AKAP7: variants seen among roughly 807,000 people sequenced by gnomAD.
AKAP7 encodes the protein A kinase (PRKA) anchor protein 7.
A neutral mutation model predicts 39.5 loss-of-function variants in AKAP7; 39 were observed. That is an observed-to-expected ratio of 0.99 (90% CI 0.76 to 1.29). The LOEUF (loss-of-function observed/expected upper bound fraction) is 1.29, where lower values mean the gene tolerates loss of function less well. Among genes scored for constraint, AKAP7 ranks in the 50% most tolerant of loss-of-function variants. The pLI is 0.00. For missense variants in AKAP7, 414 were observed against 407.7 expected (o/e 1.02, Z -0.13); for synonymous variants, 140 against 139.1 (o/e 1.01, Z -0.05).
the AKAP7 span, among the ~76,000 whole-genome samples, chr6:131,128,220 A>G: frequency 6.6e-6 from 1 of 152,222 alleles, no homozygotes; most frequent in Admixed American, 6.5e-5. Context: ...AGAAAAAGGT[A>G]AACGATTTAG....
At chr6:131,184,525 G>C in intron 5 of AKAP7, 3 of 702,970 alleles carry the variant, frequency 4.3e-6, no homozygotes, top group Non-Finnish European at 7.9e-6. Flanking sequence ...ATTTGTGCTC[G>C]ATGCATTGCC....
chr6:131,229,551 G>A lies in AKAP7; in HGVS notation c.850+9743G>A, dbSNP rs138302844. 7.3e-3 allele frequency among the ~76,000 whole-genome samples: 1,117 copies of A among 152,104 alleles called. 9 individuals are homozygous for A. The highest frequency in any genetic ancestry group is 0.026 in the African/African-American group (1,070 of 41,474). ...TTTAGTAGAGACAGGGTTTCACCAC[G>A]TTGGCCAGGCTGTTCTTGAATTCCT... On this transcript the variant is annotated intron_variant, in intron 7 of 7. Coordinates refer to ENST00000431975, the MANE Select transcript of AKAP7 (RefSeq NM_016377.4).
At chr6:131,201,245 G>A (rs898929414) in intron 6 of AKAP7, among the ~76,000 whole-genome samples, 1 of 152,104 alleles carries the variant, frequency 6.6e-6, no homozygotes, top group African/African-American at 2.4e-5. Flanking sequence ...ATTTCTACGT[G>A]TAAGGAGCTC....
At chr6:131,229,332 T>A (rs1810450184) in intron 7 of AKAP7, among the ~76,000 whole-genome samples, 1 of 152,124 alleles carries the variant, frequency 6.6e-6, no homozygotes, top group South Asian at 2.1e-4. Context: ...TGAACTTCAT[T>A]TTCCCAGTTC....
intron 2 of AKAP7, among the ~76,000 whole-genome samples, chr6:131,146,681 T>G (rs762866966): frequency 2.6e-5 from 4 of 152,224 alleles, no homozygotes; most frequent in African/African-American, 9.6e-5. Context: ...TGGTTTGATA[T>G]GCTTTTTTCA....
chr6:131,132,292 G>T (rs1562850587), upstream of AKAP7, among the ~76,000 whole-genome samples: 1 of 148,220 alleles, frequency 6.7e-6, no homozygotes, highest in African/African-American at 2.5e-5. Context: ...CAGCCTGGGC[G>T]ACAGAGCGAG....
At chr6:131,231,717 ACTATCCTGG>A (rs1810639461) in intron 7 of AKAP7, among the ~76,000 whole-genome samples, 1 of 152,174 alleles carries the variant, frequency 6.6e-6, no homozygotes, top group South Asian at 2.1e-4. Flanking sequence ...GAAAACCAAG[ACTATCCTGG>A]CTTAACTGGG....
the AKAP7 span, among the ~76,000 whole-genome samples, chr6:131,127,425 A>T: frequency 6.6e-6 from 1 of 152,332 alleles, no homozygotes; most frequent in Admixed American, 6.5e-5. Context: ...ATCTCATAAG[A>T]TACAACCAAA....
At chr6:131,247,269 G>GTGTATATATATATA (rs1244438178) in intron 7 of AKAP7, among the ~76,000 whole-genome samples, 1 of 91,928 alleles carries the variant, frequency 1.1e-5, no homozygotes, top group Non-Finnish European at 2.0e-5. Context: ...CATTTCATAT[G>GTGTATATATATATA]TATATATATA....
intron 7 of AKAP7, among the ~76,000 whole-genome samples, chr6:131,274,001 G>A (rs1235628625): frequency 1.4e-4 from 21 of 150,104 alleles, no homozygotes; most frequent in South Asian, 6.3e-4. Flanking sequence ...GTGCAGTGGC[G>A]CAATCTCAGC....
intron 5 of AKAP7, chr6:131,184,425 G>T: frequency 1.5e-6 from 1 of 657,736 alleles, no homozygotes; most frequent in Non-Finnish European, 2.9e-6. Flanking sequence ...AGATATGGAC[G>T]GAGTGAGACA....
intron 7 of AKAP7, among the ~76,000 whole-genome samples, chr6:131,228,499 T>C (rs187783830): frequency 2.0e-5 from 3 of 152,256 alleles, no homozygotes; most frequent in Admixed American, 1.3e-4. Context: ...GGCTATACTT[T>C]TGTTGAGTTT....
chr6:131,192,926 A>G (rs1806561627), intron 5 of AKAP7, among the ~76,000 whole-genome samples: 1 of 152,050 alleles, frequency 6.6e-6, no homozygotes, highest in Non-Finnish European at 1.5e-5. Context: ...TTGTATGTTG[A>G]TTTCGTATTC....
intron 7 of AKAP7, among the ~76,000 whole-genome samples, chr6:131,238,719 A>G (rs1811288032): frequency 6.6e-6 from 1 of 152,184 alleles, no homozygotes; most frequent in Non-Finnish European, 1.5e-5. Context: ...ATCAAAGACT[A>G]GGATTGCAAC....
chr6:131,199,641 A>G, intron 6 of AKAP7, 68 bp downstream of exon 6: 1 of 1,253,176 alleles, frequency 8.0e-7, no homozygotes, highest in Non-Finnish European at 1.2e-6. Context: ...GGTCTGGAGC[A>G]CGAGTGACAT....
chr6:131,144,088 A>T (rs1456979287), intron 1 of AKAP7, among the ~76,000 whole-genome samples: 3 of 139,860 alleles, frequency 2.1e-5, no homozygotes, highest in Non-Finnish European at 4.6e-5. Context: ...ATAAGGTCAC[A>T]GATCAACAGG....
chr6:131,278,814 G>A (rs188680501), intron 7 of AKAP7, among the ~76,000 whole-genome samples: 1 of 152,298 alleles, frequency 6.6e-6, no homozygotes, highest in Admixed American at 6.5e-5. Context: ...AGTTCCGCAG[G>A]AGATTTGGGT....
chr6:131,158,886 G>T (rs1024935541), intron 2 of AKAP7, among the ~76,000 whole-genome samples: 2 of 149,944 alleles, frequency 1.3e-5, no homozygotes, highest in African/African-American at 4.9e-5. Flanking sequence ...GTAGTTTTGC[G>T]TGCATATGGA....
intron 1 of AKAP7, among the ~76,000 whole-genome samples, chr6:131,142,475 A>C (rs1056201075): frequency 6.6e-6 from 1 of 152,186 alleles, no homozygotes; most frequent in Non-Finnish European, 1.5e-5. Flanking sequence ...CTTCCATGTG[A>C]TGTTAAGCCT....
Sources: gnomAD v4.1 joint callset for allele counts (sites outside exome capture counted in the v4.1 genomes callset) on GRCh38, gnomAD v4.1.1 for gene constraint, MANE v1.5 for transcripts, NCBI Gene and HGNC (gene_info 2026-07-23, HGNC 2026-07-21) for gene names.